PTPRD: variants seen among roughly 807,000 people sequenced by gnomAD.
The protein encoded by PTPRD is protein tyrosine phosphatase receptor type D, also known as receptor-type tyrosine-protein phosphatase delta.
PTPRD carries 34 observed loss-of-function variants against 214.5 expected under a neutral mutation model. The observed-to-expected ratio is 0.16, with a 90% CI of 0.12 to 0.21. PTPRD has a LOEUF of 0.21. PTPRD is among the 10% of genes least tolerant of loss of function. The pLI is 1.00. For missense variants in PTPRD, 2,545 were observed against 2,398.7 expected, an observed-to-expected ratio of 1.06 and a Z score of -1.27; for synonymous variants, 1,128 against 845.7, an observed-to-expected ratio of 1.33 and a Z score of -5.79.
chr9:8,903,144 T>C (rs2098683281), intron 11 of PTPRD, among the ~76,000 whole-genome samples: 1 of 146,520 alleles, frequency 6.8e-6, no homozygotes, highest in Non-Finnish European at 1.5e-5. Context: ...ATCTATCTTA[T>C]TCTTTTTTTT....
At chr9:8,506,053 A>C (rs2097537417) in intron 22 of PTPRD, among the ~76,000 whole-genome samples, 1 of 152,224 alleles carries the variant, frequency 6.6e-6, no homozygotes, top group African/African-American at 2.4e-5. Context: ...AAACCACTGC[A>C]TTTAAAACCT....
chr9:9,868,148 G>A (rs957841242), intron 5 of PTPRD, among the ~76,000 whole-genome samples: 7 of 152,166 alleles, frequency 4.6e-5, no homozygotes, highest in Middle Eastern at 3.2e-3. Context: ...ATTCCAAGCA[G>A]CTGAGTCCTA....
At chr9:8,717,094 G>A (rs950828408) in intron 12 of PTPRD, among the ~76,000 whole-genome samples, 6 of 152,074 alleles carry the variant, frequency 3.9e-5, no homozygotes, top group African/African-American at 1.4e-4. Context: ...AGAAGGCAGG[G>A]GTTGCACCTG....
chr9:8,455,841 C>G (rs568508702), intron 33 of PTPRD, among the ~76,000 whole-genome samples: 1 of 152,114 alleles, frequency 6.6e-6, no homozygotes, highest in Non-Finnish European at 1.5e-5. Context: ...GGATGGAAAA[C>G]CATCTAGTGA....
rs190275910 is a variant in PTPRD, at chr9:10,060,807, T to C, written c.-544-27017A>G. Among the ~76,000 whole-genome samples the C allele has an allele frequency of 5.8e-4, 61 of 105,028 alleles. 6 individuals carry two copies. The highest frequency in any genetic ancestry group is 1.4e-3 in the African/African-American group (23 of 17,036). 68.9% of individuals were successfully genotyped at this position (105,028 alleles called of 152,430 possible). On this transcript the variant is annotated intron_variant, in intron 3 of 45. Transcript: ENST00000381196. The stretch of plus-strand genomic sequence containing the variant: ...TTCTTTCTTTCTTTCTTTCTTCCTT[T>C]CTTTCTTTCTTTCTTTCTTTCTTCC...
intron 3 of PTPRD, among the ~76,000 whole-genome samples, chr9:10,098,092 C>A (rs1017069833): frequency 6.6e-6 from 1 of 151,716 alleles, no homozygotes; most frequent in African/African-American, 2.4e-5. Flanking sequence ...TGGAACCAAT[C>A]CAAATGTCCA....
intron 10 of PTPRD, among the ~76,000 whole-genome samples, chr9:9,171,413 C>A (rs2099916662): frequency 6.6e-6 from 1 of 150,528 alleles, no homozygotes; most frequent in Admixed American, 6.6e-5. Flanking sequence ...CAAAATTATG[C>A]TTGGTTTCAC....
At chr9:8,356,768 A>G (rs1019886701) in intron 39 of PTPRD, among the ~76,000 whole-genome samples, 2 of 152,204 alleles carry the variant, frequency 1.3e-5, no homozygotes, top group African/African-American at 4.8e-5. Flanking sequence ...AGTATATTAC[A>G]TATAAACACA....
At position 8,669,564 on chromosome 9, in the gene PTPRD, T is replaced by C. The variant is rs1460123224; in HGVS notation, c.65-32720A>G. Among the ~76,000 whole-genome samples, 4 of 152,034 alleles carry C rather than the reference T, an allele frequency of 2.6e-5. No individual in the cohort carries two copies. The East Asian group carries it at 7.8e-4, about 30-fold the overall frequency. ...AGACACCAAGGTTAGTGGAAGGAAA[T>C]AGGCTGCTGTGCTATCCAAGTCACC... On this transcript the variant is annotated intron_variant, in intron 12 of 45. Coordinates refer to ENST00000381196, the MANE Select transcript of PTPRD (RefSeq NM_002839.4).
chr9:8,654,547 G>C, intron 12 of PTPRD, among the ~76,000 whole-genome samples: 1 of 152,126 alleles, frequency 6.6e-6, no homozygotes, highest in East Asian at 1.9e-4. Context: ...ACCTACTTAT[G>C]CTTTTATTGA....
intron 14 of PTPRD, among the ~76,000 whole-genome samples, chr9:8,544,488 T>G (rs961526359): frequency 6.3e-5 from 8 of 127,650 alleles, no homozygotes. Flanking sequence ...TTTTTTTTTT[T>G]GAGACAGAGT....
At chr9:10,249,047 C>T (rs1564783044) in intron 3 of PTPRD, among the ~76,000 whole-genome samples, 1 of 152,068 alleles carries the variant, frequency 6.6e-6, no homozygotes, top group Non-Finnish European at 1.5e-5. Context: ...CAATTTCAAG[C>T]AAAGATGTTT....
At chr9:8,705,587 A>C (rs2098188724) in intron 12 of PTPRD, among the ~76,000 whole-genome samples, 1 of 152,362 alleles carries the variant, frequency 6.6e-6, no homozygotes. Context: ...ATTCATAAGA[A>C]GCAACAGCAA....
At chr9:9,114,858 G>A (rs1373181881) in intron 10 of PTPRD, among the ~76,000 whole-genome samples, 2 of 152,128 alleles carry the variant, frequency 1.3e-5, no homozygotes, top group African/African-American at 4.8e-5. Flanking sequence ...CTAGGTGGAA[G>A]CTCCCATGCA....
intron 3 of PTPRD, among the ~76,000 whole-genome samples, chr9:10,328,233 A>G (rs916367012): frequency 6.6e-6 from 1 of 151,414 alleles, no homozygotes; most frequent in African/African-American, 2.4e-5. Flanking sequence ...TAAGTTTTTT[A>G]TTTTCTTATT....
intron 3 of PTPRD, among the ~76,000 whole-genome samples, chr9:10,042,250 G>A (rs568652247): frequency 1.3e-5 from 2 of 152,010 alleles, no homozygotes; most frequent in Admixed American, 6.6e-5. Context: ...TTTAAAATTT[G>A]TTCCATTTCT....
chr9:10,106,354 T>G (rs1025123153), intron 3 of PTPRD, among the ~76,000 whole-genome samples: 14 of 151,936 alleles, frequency 9.2e-5, no homozygotes, highest in African/African-American at 3.1e-4. Flanking sequence ...ATTTAATAAT[T>G]TATTCATTAC....
chr9:9,257,746 T>A (rs1003144737), intron 9 of PTPRD, among the ~76,000 whole-genome samples: 6 of 151,930 alleles, frequency 3.9e-5, no homozygotes, highest in Non-Finnish European at 7.4e-5. Flanking sequence ...ATTGCACTAC[T>A]GCACTCCAGT....
intron 10 of PTPRD, among the ~76,000 whole-genome samples, chr9:9,171,463 A>T (rs2099917142): frequency 6.6e-6 from 1 of 151,662 alleles, no homozygotes; most frequent in Admixed American, 6.6e-5. Flanking sequence ...TCAAGTAAAG[A>T]GAAAGAGCAT....
Sources: allele counts gnomAD v4.1 joint callset (sites outside exome capture counted in the v4.1 genomes callset), GRCh38; gene constraint gnomAD v4.1.1; transcripts MANE v1.5; gene names NCBI Gene and HGNC (gene_info 2026-07-23, HGNC 2026-07-21).